DYM: variants seen among roughly 807,000 people sequenced by gnomAD.
DYM encodes dyggve-Melchior-Clausen syndrome protein.
In DYM, 78 loss-of-function variants were observed where a neutral mutation model predicts 93.1. The ratio of observed to expected loss-of-function variants is 0.84; its 90% CI spans 0.70 to 1.01. The LOEUF is 1.01. Among genes scored for constraint, DYM ranks in the 50% least tolerant of loss-of-function variants. The probability of loss-of-function intolerance (pLI) is 0.00; values close to 1 mark genes in which losing one functional copy is unlikely to be tolerated. For missense variants in DYM, 789 were observed against 845.0 expected (o/e 0.93, Z 0.82); for synonymous variants, 321 against 319.7 (o/e 1.00, Z -0.04).
chr18:49,063,993 A>G (rs1259028501), intron 17 of DYM, among the ~76,000 whole-genome samples: 2 of 152,172 alleles, frequency 1.3e-5, no homozygotes, highest in Non-Finnish European at 2.9e-5. Flanking sequence ...AGCACTTTAG[A>G]CATTGGGAAA....
chr18:49,212,180 A>G (rs1484217397), intron 13 of DYM, among the ~76,000 whole-genome samples: 1 of 152,222 alleles, frequency 6.6e-6, no homozygotes, highest in African/African-American at 2.4e-5. Context: ...CTGAGGGACC[A>G]TTCCAGATTA....
At chr18:49,365,401 G>A (rs957218260) in intron 5 of DYM, among the ~76,000 whole-genome samples, 1 of 152,054 alleles carries the variant, frequency 6.6e-6, no homozygotes, top group African/African-American at 2.4e-5. Context: ...CATCGGGCTT[G>A]GCTCTATTAT....
At chr18:49,088,359 T>C (rs926572729) in intron 17 of DYM, among the ~76,000 whole-genome samples, 5 of 152,114 alleles carry the variant, frequency 3.3e-5, no homozygotes, top group African/African-American at 1.2e-4. Context: ...CAGCACCATT[T>C]ATTAAATAGG....
At position 49,209,570 on chromosome 18, in the gene DYM, G is replaced by A. The variant is rs1181481826; in HGVS notation, c.1606C>T (p.Leu536Phe). 4.7e-6 allele frequency: 6 copies of A among 1,289,588 alleles called. No individual in the cohort carries two copies. Among genetic ancestry groups the A allele is most frequent in the South Asian group, 1.2e-5 (1 of 81,000 alleles). The allele number at this position is 1,289,588 out of a possible 1,614,324, so 79.9% of individuals were successfully genotyped here. Reference protein sequence around the residue: ...ELLSLTCSHILRSYASSLFSL... With the variant: ...ELLSLTCSHIFRSYASSLFSL... Reference sequence around the variant, plus strand: ...AATAACCTGGAAGCATAGGATCTGAGAATGTGAGAGCAAGTTAAAGACAAG... The same window carrying A: ...AATAACCTGGAAGCATAGGATCTGAAAATGTGAGAGCAAGTTAAAGACAAG... Residue 536 changes from leucine to phenylalanine, a missense_variant, in exon 14 of 18, where the codon CTC becomes TTC. Transcript: ENST00000675505.
At chr18:49,375,314 CACAT>C (rs1211641731) in intron 5 of DYM, among the ~76,000 whole-genome samples, 3 of 151,500 alleles carry the variant, frequency 2.0e-5, no homozygotes, top group African/African-American at 7.3e-5. Context: ...TATACACACA[CACAT>C]ATTCATTGTC....
Position 49,183,535 on chromosome 18 carries a change from A to G in DYM, c.1626-19748T>C, listed in dbSNP as rs534151220. On this transcript the variant is annotated intron_variant, in intron 14 of 17. Transcript: ENST00000675505. ...GGCAATTTTCGATTCACCCTTCAAA[A>G]TGTAGCTTAGAAAAATATTTACCAC... Among the ~76,000 whole-genome samples the G allele has an allele frequency of 1.8e-4, 28 of 152,198 alleles. 2 individuals carry two copies. The South Asian group carries it at 5.6e-3, about 31-fold the overall frequency.
At chr18:49,292,612 A>AC (rs2060228074) in intron 8 of DYM, among the ~76,000 whole-genome samples, 1 of 100,748 alleles carries the variant, frequency 9.9e-6, no homozygotes, top group Non-Finnish European at 2.1e-5. Context: ...AAAAAAAAAA[A>AC]AAAAAAAAAA....
At chr18:49,432,450 A>C (rs2080422912) in intron 1 of DYM, among the ~76,000 whole-genome samples, 1 of 151,894 alleles carries the variant, frequency 6.6e-6, no homozygotes, top group Non-Finnish European at 1.5e-5. Context: ...AAAATGAATG[A>C]AACAGAGCTA....
At chr18:49,313,468 A>AAC (rs2061730038) in intron 8 of DYM, among the ~76,000 whole-genome samples, 2 of 110,578 alleles carry the variant, frequency 1.8e-5, no homozygotes, top group African/African-American at 6.7e-5. Context: ...GTCACAAAAA[A>AAC]AAAAAAAAAA....
intron 14 of DYM, among the ~76,000 whole-genome samples, chr18:49,174,996 T>C (rs539295606): frequency 6.6e-6 from 1 of 152,226 alleles, no homozygotes; most frequent in Non-Finnish European, 1.5e-5. Context: ...AACTTGTCTC[T>C]TTTTACTTGC....
chr18:49,075,144 C>A (rs1312628579), intron 17 of DYM, among the ~76,000 whole-genome samples: 1 of 152,168 alleles, frequency 6.6e-6, no homozygotes, highest in African/African-American at 2.4e-5. Context: ...TACAGCTAGA[C>A]AATCAGTAAG....
At chr18:49,437,827 C>G (rs1431469566) in intron 1 of DYM, among the ~76,000 whole-genome samples, 1 of 152,152 alleles carries the variant, frequency 6.6e-6, no homozygotes, top group Non-Finnish European at 1.5e-5. Context: ...AGACCATTAC[C>G]TGCTCATATC....
chr18:49,331,725 T>C (rs1434854506), intron 8 of DYM, 139 bp downstream of exon 8: 11 of 906,178 alleles, frequency 1.2e-5, no homozygotes, highest in Non-Finnish European at 1.9e-5. Context: ...ATATTTTAAT[T>C]ACTTTGTTTT....
At chr18:49,167,912 A>G (rs1208611509) in intron 14 of DYM, among the ~76,000 whole-genome samples, 1 of 152,182 alleles carries the variant, frequency 6.6e-6, no homozygotes, top group East Asian at 1.9e-4. Flanking sequence ...GAATGGGTAA[A>G]TAAACTGTGG....
At position 49,372,465 on chromosome 18, in the gene DYM, G is replaced by A. The variant is rs561559242; in HGVS notation, c.421+6102C>T. ...AACACTAAAGAACATGTATAGGGCC[G>A]GGTGAGGTGGCACATGCCTGTAATC... On this transcript the variant is annotated intron_variant, in intron 5 of 17. Coordinates refer to ENST00000675505, the MANE Select transcript of DYM (RefSeq NM_001353214.3). 8.4e-4 allele frequency among the ~76,000 whole-genome samples: 128 copies of A among 152,320 alleles called. 1 individual carries two copies. Among genetic ancestry groups the A allele is most frequent in the Non-Finnish European group, 1.2e-3 (85 of 68,014 alleles).
At chr18:49,441,126 ATTT>A (rs2081458623) in intron 1 of DYM, among the ~76,000 whole-genome samples, 1 of 4,834 alleles carries the variant, frequency 2.1e-4, no homozygotes, top group Non-Finnish European at 5.3e-4. Flanking sequence ...TATATTATAT[ATTT>A]ATATAAATAT....
Position 49,333,793 on chromosome 18 carries a change from G to A in DYM, c.555C>T (p.Cys185=), listed in dbSNP as rs768582527. 2 of 1,613,624 alleles carry A rather than the reference G, an allele frequency of 1.2e-6. No homozygotes were observed. Among genetic ancestry groups the A allele is most frequent in the Non-Finnish European group, 1.7e-6 (2 of 1,179,604 alleles). ...AISTMVVFLS[C]QLFHKEVLRQ... ...GCAAAACTTCTTTGTGGAAGAGTTG[G>A]CAGGAAAGGAAAACAACCATTGTTG... Residue 185 remains cysteine (C), a synonymous_variant, in exon 7 of 18, where the codon TGC becomes TGT. Coordinates refer to ENST00000675505, the MANE Select transcript of DYM (RefSeq NM_001353214.3).
chr18:49,065,002 A>G (rs921655060), intron 17 of DYM, among the ~76,000 whole-genome samples: 5 of 151,916 alleles, frequency 3.3e-5, no homozygotes, highest in East Asian at 1.9e-4. Flanking sequence ...ACTTACTTAC[A>G]TGATTTAAAT....
intron 15 of DYM, among the ~76,000 whole-genome samples, chr18:49,151,096 A>G (rs945145110): frequency 1.3e-5 from 2 of 152,196 alleles, no homozygotes; most frequent in Non-Finnish European, 2.9e-5. Context: ...CATTACCAAG[A>G]TCTCCAAATT....
Sources: allele counts gnomAD v4.1 joint callset (sites outside exome capture counted in the v4.1 genomes callset), GRCh38; gene constraint gnomAD v4.1.1; transcripts MANE v1.5; gene names NCBI Gene and HGNC (gene_info 2026-07-23, HGNC 2026-07-21).